XYLT1: variants seen among roughly 807,000 people sequenced by gnomAD.
The protein encoded by XYLT1 is xylosyltransferase 1.
XYLT1 carries 36 observed loss-of-function variants against 91.3 expected under a neutral mutation model. That is an observed-to-expected ratio of 0.39 (90% confidence interval 0.30 to 0.52). The LOEUF (loss-of-function observed/expected upper bound fraction) is 0.52. Ranked by LOEUF, XYLT1 falls within the 20% of genes least tolerant of loss-of-function variation. The pLI, the probability that XYLT1 is intolerant of heterozygous loss-of-function variation, is 0.68. For missense variants in XYLT1, 1,242 were observed against 1,284.5 expected (o/e 0.97, Z 0.51); for synonymous variants, 588 against 532.0 (o/e 1.11, Z -1.45).
chr16:17,264,964 G>A (rs779842732), intron 2 of XYLT1, among the ~76,000 whole-genome samples: 9 of 152,202 alleles, frequency 5.9e-5, no homozygotes, highest in East Asian at 1.9e-4. Flanking sequence ...TGAGGCGGTC[G>A]GATCATGAAG....
chr16:17,195,515 G>A (rs544025532), intron 5 of XYLT1, among the ~76,000 whole-genome samples: 35 of 151,822 alleles, frequency 2.3e-4, no homozygotes, highest in African/African-American at 7.0e-4. Flanking sequence ...GCGCGATATC[G>A]GCTCACTACA....
intron 5 of XYLT1, among the ~76,000 whole-genome samples, chr16:17,165,331 C>T (rs2031650845): frequency 6.6e-6 from 1 of 152,194 alleles, no homozygotes. Flanking sequence ...TGCTGCTTCT[C>T]TCACTCATCA....
intron 2 of XYLT1, among the ~76,000 whole-genome samples, chr16:17,317,197 C>T (rs1378697797): frequency 6.6e-6 from 1 of 152,102 alleles, no homozygotes; most frequent in Non-Finnish European, 1.5e-5. Context: ...GTGTTTGCCT[C>T]CTGCCATTTC....
intron 3 of XYLT1, among the ~76,000 whole-genome samples, chr16:17,204,896 G>A (rs1452956149): frequency 6.7e-6 from 1 of 148,896 alleles, no homozygotes; most frequent in Non-Finnish European, 1.5e-5. Context: ...ATGACATGTG[G>A]TCAGAGCTAT....
chr16:17,368,151 AACG>A (rs2035478920), intron 1 of XYLT1, among the ~76,000 whole-genome samples: 1 of 152,132 alleles, frequency 6.6e-6, no homozygotes, highest in Non-Finnish European at 1.5e-5. Flanking sequence ...GGGCGGAAAA[AACG>A]ATCCCAGGAG....
intron 2 of XYLT1, among the ~76,000 whole-genome samples, chr16:17,288,261 A>G (rs1019588768): frequency 6.6e-6 from 1 of 151,244 alleles, no homozygotes; most frequent in East Asian, 2.0e-4. Flanking sequence ...GGCCGGTAAC[A>G]GTTACTCCTC....
rs141902606 is a variant in XYLT1, at chr16:17,300,822, C to T, written c.403-41324G>A. Reference sequence around the variant, plus strand: ...ATACTGAACCAGAACAATCGATGAGCTAGATAGGTAAGCGACAAAAGCAAG... The same window carrying T: ...ATACTGAACCAGAACAATCGATGAGTTAGATAGGTAAGCGACAAAAGCAAG... On this transcript the variant is annotated intron_variant, in intron 2 of 11. Coordinates refer to ENST00000261381, the MANE Select transcript of XYLT1 (RefSeq NM_022166.4). 7.0e-3 allele frequency among the ~76,000 whole-genome samples: 1,071 copies of T among 152,102 alleles called. 17 individuals are homozygous for T. Among genetic ancestry groups the T allele is most frequent in the African/African-American group, 0.024 (982 of 41,476 alleles).
chr16:17,403,283 C>T (rs919117764), intron 1 of XYLT1, among the ~76,000 whole-genome samples: 1 of 152,112 alleles, frequency 6.6e-6, no homozygotes, highest in Non-Finnish European at 1.5e-5. Context: ...GGCGTCTTGC[C>T]CAAGTCATAC....
intron 10 of XYLT1, among the ~76,000 whole-genome samples, chr16:17,120,396 T>C (rs368124433): frequency 5.9e-5 from 9 of 151,966 alleles, no homozygotes; most frequent in African/African-American, 1.9e-4. Context: ...CTCCCTCCCT[T>C]CCACTTGCTC....
At chr16:17,139,348 C>G (rs1052494714) in intron 7 of XYLT1, among the ~76,000 whole-genome samples, 1 of 152,072 alleles carries the variant, frequency 6.6e-6, no homozygotes, top group African/African-American at 2.4e-5. Flanking sequence ...TTGAAGTGGT[C>G]TGGGAGAAGG....
chr16:17,220,396 T>C (rs2032944429), intron 3 of XYLT1, among the ~76,000 whole-genome samples: 1 of 152,132 alleles, frequency 6.6e-6, no homozygotes, highest in African/African-American at 2.4e-5. Context: ...TATAACACAC[T>C]TGAGAGAAGC....
At position 17,108,803 on chromosome 16, in the gene XYLT1, G is replaced by A. The variant is rs759420008; in HGVS notation, c.2772C>T (p.Pro924=). The A allele has an allele frequency of 1.2e-6, 2 of 1,611,986 alleles. No homozygotes were observed. Among genetic ancestry groups the A allele is most frequent in the Non-Finnish European group, 1.7e-6 (2 of 1,179,900 alleles). The change falls in exon 12 of 12, where the codon CCC becomes CCT. Residue 924 remains proline (P), a synonymous_variant. Transcript: ENST00000261381. ...AGGTCTGCATGACCGGGCAGGCTGT[G>A]GGGCCCGTGGCACAGATGTCCATGG... ...WTAMDICATG[P]TACPVMQTCS... is the part of the protein sequence containing the mutation.
At chr16:17,136,909 G>A (rs1038755618) in intron 8 of XYLT1, among the ~76,000 whole-genome samples, 6 of 152,114 alleles carry the variant, frequency 3.9e-5, no homozygotes, top group East Asian at 1.9e-4. Flanking sequence ...GAATCAGCAC[G>A]TGGAGGTTTT....
chr16:17,210,997 C>G (rs1469923520), intron 3 of XYLT1, among the ~76,000 whole-genome samples: 2 of 152,214 alleles, frequency 1.3e-5, no homozygotes, highest in African/African-American at 4.8e-5. Context: ...TCACTGATTT[C>G]TTCGCATTGT....
intron 2 of XYLT1, 52 bp from the exon 3 acceptor site, chr16:17,259,550 T>C (rs2033691456): frequency 1.3e-6 from 2 of 1,577,948 alleles, no homozygotes; most frequent in Non-Finnish European, 1.7e-6. Flanking sequence ...GAGATCATGC[T>C]AAGCAGACTG....
intron 1 of XYLT1, among the ~76,000 whole-genome samples, chr16:17,457,887 A>T (rs2036765709): frequency 2.0e-5 from 3 of 152,218 alleles, no homozygotes; most frequent in Admixed American, 2.0e-4. Context: ...ATTTCCCATT[A>T]CATCTCTAAT....
intron 2 of XYLT1, among the ~76,000 whole-genome samples, chr16:17,320,078 C>T (rs1159098335): frequency 6.6e-6 from 1 of 152,228 alleles, no homozygotes; most frequent in Non-Finnish European, 1.5e-5. Flanking sequence ...TAGCCCACTC[C>T]ATTTGATCTG....
In XYLT1 at chr16:17,107,377, C is replaced by T. The variant is rs900906180; in HGVS notation, c.*1318G>A. The T allele has an allele frequency of 4.6e-5, 7 of 152,168 alleles. No individual in the cohort carries two copies. The highest frequency in any genetic ancestry group is 1.2e-4 in the African/African-American group (5 of 41,430). The allele number at this position is 152,168 out of a possible 1,614,324, so 9.4% of individuals were successfully genotyped here. A position where few individuals can be genotyped will look rare whatever the true frequency, so the allele number is the denominator to read the frequency against. On this transcript the variant is annotated 3_prime_UTR_variant, in exon 12 of 12. Transcript: ENST00000261381. The stretch of plus-strand genomic sequence containing the variant: ...TTACAGGAGCAAGGGAGGCCTCCTG[C>T]GAAGAGCTCTCCTGGTGAACAGGGA...
chr16:17,301,609 C>T (rs1307008204), intron 2 of XYLT1, among the ~76,000 whole-genome samples: 1 of 152,076 alleles, frequency 6.6e-6, no homozygotes, highest in Non-Finnish European at 1.5e-5. Context: ...CTCAGAACAG[C>T]GTGAAGCAGA....
Sources: allele counts gnomAD v4.1 joint callset (sites outside exome capture counted in the v4.1 genomes callset), GRCh38; gene constraint gnomAD v4.1.1; transcripts MANE v1.5; gene names NCBI Gene and HGNC (gene_info 2026-07-23, HGNC 2026-07-21).